The following PAWR variants were observed in gnomAD, a reference collection of about 807,000 sequenced individuals.
The protein encoded by PAWR is PRKC apoptosis WT1 regulator protein.
PAWR carries 23 observed loss-of-function variants against 32.0 expected under a neutral mutation model. That is an observed-to-expected ratio of 0.72 (90% CI 0.52 to 1.02). PAWR has a LOEUF of 1.02. Among genes scored for constraint, PAWR ranks in the 50% least tolerant of loss-of-function variants. PAWR has a pLI of 0.00. For synonymous variants in PAWR, 226 were observed against 187.1 expected (o/e 1.21, Z -1.70); for missense variants, 457 against 437.7 (o/e 1.04, Z -0.39).
intron 4 of PAWR, among the ~76,000 whole-genome samples, chr12:79,607,222 GA>G (rs1020715405): frequency 6.6e-6 from 1 of 151,998 alleles, no homozygotes; most frequent in Non-Finnish European, 1.5e-5. Flanking sequence ...TCAGGAGTTT[GA>G]GACCAGCCTG....
intron 4 of PAWR, among the ~76,000 whole-genome samples, chr12:79,609,629 C>T (rs1288237423): frequency 6.6e-6 from 1 of 152,108 alleles, no homozygotes; most frequent in Non-Finnish European, 1.5e-5. Context: ...GACAATGCTG[C>T]ACCAGGGAAA....
intron 2 of PAWR, among the ~76,000 whole-genome samples, chr12:79,624,759 C>T (rs376063842): frequency 1.3e-5 from 2 of 152,120 alleles, no homozygotes; most frequent in African/African-American, 2.4e-5. Context: ...GAAGTGGATT[C>T]TCCTCATTCC....
At chr12:79,686,525 A>G (rs1260885112) in intron 2 of PAWR, among the ~76,000 whole-genome samples, 3 of 152,198 alleles carry the variant, frequency 2.0e-5, no homozygotes, top group Non-Finnish European at 2.9e-5. Context: ...GACCCATTCA[A>G]TATTACAGGG....
At chr12:79,680,364 TTTACAG>T (rs1878380622) in intron 2 of PAWR, among the ~76,000 whole-genome samples, 1 of 152,188 alleles carries the variant, frequency 6.6e-6, no homozygotes, top group African/African-American at 2.4e-5. Flanking sequence ...CTCCTACCAT[TTTACAG>T]TAATTCACAA....
intron 4 of PAWR, among the ~76,000 whole-genome samples, chr12:79,608,398 G>A (rs927435817): frequency 2.6e-5 from 4 of 152,058 alleles, no homozygotes; most frequent in African/African-American, 7.2e-5. Context: ...TAGGTCCCTC[G>A]CATGAACAGT....
intron 4 of PAWR, among the ~76,000 whole-genome samples, chr12:79,607,083 C>T (rs553512380): frequency 6.6e-6 from 1 of 152,216 alleles, no homozygotes; most frequent in East Asian, 1.9e-4. Flanking sequence ...ACTGCTATTG[C>T]ATGCCTGACA....
chr12:79,644,779 G>A (rs745891723), intron 2 of PAWR, among the ~76,000 whole-genome samples: 9 of 151,950 alleles, frequency 5.9e-5, no homozygotes, highest in Non-Finnish European at 1.0e-4. Flanking sequence ...TTCTAAACAG[G>A]TTTGCATTTA....
intron 2 of PAWR, among the ~76,000 whole-genome samples, chr12:79,659,537 T>C (rs529405974): frequency 6.6e-6 from 1 of 152,318 alleles, no homozygotes; most frequent in Non-Finnish European, 1.5e-5. Context: ...CCCATTAGCA[T>C]ACATTGTCCG....
chr12:79,622,279 C>A (rs192549411), intron 2 of PAWR, among the ~76,000 whole-genome samples: 16 of 152,284 alleles, frequency 1.1e-4, no homozygotes, highest in South Asian at 2.1e-4. Context: ...TGGAAGAAAG[C>A]ATCTGTCTGA....
At chr12:79,675,905 A>C (rs1878142066) in intron 2 of PAWR, among the ~76,000 whole-genome samples, 1 of 152,166 alleles carries the variant, frequency 6.6e-6, no homozygotes, top group Admixed American at 6.5e-5. Context: ...AAATAATAAC[A>C]GCAAGCTTAA....
Position 79,603,665 on chromosome 12 carries a change from C to CAATTTT in PAWR, c.684-7008_684-7007insAAAATT, listed in dbSNP as rs1565998443. 2.5e-4 allele frequency: 36 copies of CAATTTT among 141,466 alleles called. 1 individual carries two copies. The highest frequency in any genetic ancestry group is 8.4e-4 in the African/African-American group (32 of 38,092). 8.8% of individuals were successfully genotyped at this position (141,466 alleles called of 1,614,324 possible). A position where few individuals can be genotyped will look rare whatever the true frequency, so the allele number is the denominator to read the frequency against. ...TCAATACATAAACGGCATCATTATG[C>CAATTTT]TATTTTTTTTTTTTTTTTTTTTTTT... On this transcript the variant is annotated intron_variant, in intron 4 of 6. Coordinates refer to ENST00000328827, the MANE Select transcript of PAWR (RefSeq NM_002583.4).
intron 2 of PAWR, among the ~76,000 whole-genome samples, chr12:79,625,810 A>C (rs1395317662): frequency 6.6e-6 from 1 of 151,100 alleles, no homozygotes; most frequent in South Asian, 2.1e-4. Flanking sequence ...ACAGAGTGAG[A>C]CTCTGTCTCA....
chr12:79,630,505 G>A (rs1025679709), intron 2 of PAWR, among the ~76,000 whole-genome samples: 1 of 152,086 alleles, frequency 6.6e-6, no homozygotes, highest in Non-Finnish European at 1.5e-5. Context: ...GTTTCGTCAT[G>A]TTGCCCAGGC....
chr12:79,596,939 C>T (rs1873783672), intron 4 of PAWR: 1 of 320,476 alleles, frequency 3.1e-6, no homozygotes. Context: ...TGGACTCTGC[C>T]CTTCATAGAG....
At chr12:79,654,493 G>C (rs1472624892) in intron 2 of PAWR, among the ~76,000 whole-genome samples, 2 of 152,008 alleles carry the variant, frequency 1.3e-5, no homozygotes, top group Admixed American at 1.3e-4. Context: ...AGCTCTGGGA[G>C]AGCTGGCTTC....
At chr12:79,627,473 G>A (rs930492714) in intron 2 of PAWR, among the ~76,000 whole-genome samples, 2 of 152,086 alleles carry the variant, frequency 1.3e-5, no homozygotes, top group African/African-American at 2.4e-5. Context: ...TGAGTTCATT[G>A]TAGGTTCTGG....
chr12:79,631,917 G>T (rs987030346), intron 2 of PAWR, among the ~76,000 whole-genome samples: 4 of 151,944 alleles, frequency 2.6e-5, no homozygotes, highest in Non-Finnish European at 5.9e-5. Context: ...TGGATTGCCT[G>T]AGCTCAAGAG....
intron 2 of PAWR, among the ~76,000 whole-genome samples, chr12:79,676,260 G>T (rs976521062): frequency 6.6e-6 from 1 of 152,014 alleles, no homozygotes. Flanking sequence ...ACATTAATAT[G>T]GCCTGCTTAT....
chr12:79,622,828 AG>A (rs1875089997), intron 2 of PAWR, among the ~76,000 whole-genome samples: 1 of 152,166 alleles, frequency 6.6e-6, no homozygotes, highest in Non-Finnish European at 1.5e-5. Flanking sequence ...CTAACCCAGG[AG>A]ACTAGTATCT....
Sources: gnomAD v4.1 joint callset for allele counts (sites outside exome capture counted in the v4.1 genomes callset) on GRCh38, gnomAD v4.1.1 for gene constraint, MANE v1.5 for transcripts, NCBI Gene and HGNC (gene_info 2026-07-23, HGNC 2026-07-21) for gene names.